Variants in RAB6D observed in about 807,000 individuals in gnomAD.
RAB6D encodes the protein RAB6D, member RAS oncogene family.
In RAB6D, 11 loss-of-function variants were observed where a neutral mutation model predicts 17.5. That is an observed-to-expected ratio of 0.63 (90% CI 0.39 to 1.04). The LOEUF is 1.04. Among genes scored for constraint, RAB6D ranks in the 50% least tolerant of loss-of-function variants. RAB6D has a pLI of 0.00. For missense variants in RAB6D, 163 were observed against 315.1 expected (o/e 0.52, Z 3.65); for synonymous variants, 68 against 122.6 (o/e 0.55, Z 2.94).
chr2:131,364,015 T>G lies in RAB6D; in HGVS notation c.-295A>C, dbSNP rs1703468145. 6 of 478,052 alleles carry G rather than the reference T, an allele frequency of 1.3e-5. No individual in the cohort carries two copies. The highest frequency in any genetic ancestry group is 3.8e-6 in the Non-Finnish European group (1 of 260,932). The allele number at this position is 478,052 out of a possible 1,614,324, so 29.6% of individuals were successfully genotyped here. A position where few individuals can be genotyped will look rare whatever the true frequency, so the allele number is the denominator to read the frequency against. ...TTTGGCTTCCCAAGGCTAGGGCCGT[T>G]CCCTTCTTCCTCACCCGGCTCCAAG... On this transcript the variant is annotated 5_prime_UTR_variant, in exon 1 of 1. Coordinates refer to ENST00000623617, the MANE Select transcript of RAB6D (RefSeq NM_001077637.3).
At position 131,363,449 on chromosome 2, in the gene RAB6D, A is replaced by G. The variant is rs1281577538; in HGVS notation, c.272T>C (p.Val91Ala). ...RYIRDSAAAV[V>A]VYDITNVNSF... ...GTTAACATTTGTGATATCGTAAACT[A>G]CTACAGCTGCAGCAGAATCACGGAT... The change falls in exon 1 of 1, where the codon GTA becomes GCA. Residue 91 changes from valine to alanine, a missense_variant. Val to Ala is a moderately conservative substitution (Grantham distance 64). Coordinates refer to ENST00000623617, the MANE Select transcript of RAB6D (RefSeq NM_001077637.3). 1.2e-6 allele frequency: 2 copies of G among 1,610,696 alleles called. No homozygotes were observed. Among genetic ancestry groups the G allele is most frequent in the Admixed American group, 1.7e-5 (1 of 59,712 alleles).
rs189556795 is a variant in RAB6D at position 131,361,146 on chromosome 2, T to C, written c.*1810A>G. The stretch of plus-strand genomic sequence containing the variant: ...TCAATATTTATTTCAGGACATGCCA[T>C]GTCAAAATAAAACAGAGTCAACCCT... On this transcript the variant is annotated 3_prime_UTR_variant, in exon 1 of 1. Transcript: ENST00000623617. The C allele has an allele frequency of 5.1e-3, 850 of 167,236 alleles. 6 individuals carry two copies. Among genetic ancestry groups the C allele is most frequent in the Non-Finnish European group, 7.4e-3 (507 of 68,104 alleles). The allele number at this position is 167,236 out of a possible 1,614,324, so 10.4% of individuals were successfully genotyped here.
In RAB6D at chr2:131,364,156, T is replaced by A. The variant is rs1436077295; in HGVS notation, c.-436A>T. 2.5e-5 allele frequency: 2 copies of A among 79,302 alleles called. No homozygotes were observed. Among genetic ancestry groups the A allele is most frequent in the Admixed American group, 3.5e-4 (2 of 5,666 alleles). 4.9% of individuals were successfully genotyped at this position (79,302 alleles called of 1,614,324 possible). A position where few individuals can be genotyped will look rare whatever the true frequency, so the allele number is the denominator to read the frequency against. On this transcript the variant is annotated 5_prime_UTR_variant, in exon 1 of 1. Transcript: ENST00000623617. Reference sequence around the variant, plus strand: ...CGCCGCCGCAGCCCAACCTGCTGAGTGCGCGAGCCTCTGGCGCGGGGCGAG... The same window carrying A: ...CGCCGCCGCAGCCCAACCTGCTGAGAGCGCGAGCCTCTGGCGCGGGGCGAG...
rs747881840 is a variant in RAB6D at position 131,362,936 on chromosome 2, G to A, written c.*20C>T. 21 of 1,563,582 alleles carry A rather than the reference G, an allele frequency of 1.3e-5. 1 individual carries two copies. In the Admixed American group the frequency reaches 1.8e-4, roughly 13 times the overall value. The stretch of plus-strand genomic sequence containing the variant: ...AATAATGAAGACGCTGACTTTTTTT[G>A]TGCTTGTCAAGCTAATAGATCATCT... On this transcript the variant is annotated 3_prime_UTR_variant, in exon 1 of 1. Transcript: ENST00000623617.
Position 131,363,793 on chromosome 2 carries a change from G to A in RAB6D, c.-73C>T. ...ACCGATGCTGCTCCAGCCGGCTGAC[G>A]AAAAAGGCGAGCGGAAGGGCGGGCG... On this transcript the variant is annotated 5_prime_UTR_variant, in exon 1 of 1. Coordinates refer to ENST00000623617, the MANE Select transcript of RAB6D (RefSeq NM_001077637.3). 1.0e-6 allele frequency: 1 copy of A among 977,664 alleles called. No homozygotes were observed. The highest frequency in any genetic ancestry group is 1.6e-6 in the Non-Finnish European group (1 of 639,606). 60.6% of individuals were successfully genotyped at this position (977,664 alleles called of 1,614,324 possible).
rs1258839404 is a variant in RAB6D, at chr2:131,360,664, A to G, written c.*2292T>C. On this transcript the variant is annotated 3_prime_UTR_variant, in exon 1 of 1. Transcript: ENST00000623617. ...TACAAATAACACAATTTAATGAACA[A>G]AGGATATAGACATTATACAAAATAT... 1.3e-5 allele frequency among the ~76,000 whole-genome samples: 2 copies of G among 152,192 alleles called. No homozygotes were observed. The highest frequency in any genetic ancestry group is 2.9e-5 in the Non-Finnish European group (2 of 68,030).
Position 131,361,018 on chromosome 2 carries a change from A to C in RAB6D, c.*1938T>G, listed in dbSNP as rs1017113597. On this transcript the variant is annotated 3_prime_UTR_variant, in exon 1 of 1. Transcript: ENST00000623617. ...TATAACTGCTTACTTTTTAAAAAAT[A>C]CATAAAAAGAATCAAATGCAACAGT... The C allele has an allele frequency of 2.4e-5, 4 of 166,828 alleles. No individual in the cohort carries two copies. The highest frequency in any genetic ancestry group is 4.4e-5 in the Non-Finnish European group (3 of 68,096). The allele number at this position is 166,828 out of a possible 1,614,324, so 10.3% of individuals were successfully genotyped here.
rs758072567 is a variant in RAB6D, at chr2:131,363,401, C to T, written c.320G>A (p.Trp107Ter). 6.2e-7 allele frequency: 1 copy of T among 1,613,558 alleles called. No homozygotes were observed. The highest frequency in any genetic ancestry group is 1.3e-5 in the African/African-American group (1 of 74,656). ...TCCTTCTGTTCTGACATCATCAATC[C>T]ACTTTGTAGTTTGCTGGAATGAGTT... is the stretch of plus-strand genomic sequence containing the variant. ...NVNSFQQTTK[W>*]IDDVRTEGGS... Residue 107 changes from tryptophan to a stop codon, truncating the protein, a stop_gained, in exon 1 of 1, where the codon TGG (tryptophan) becomes TAG (stop). Coordinates refer to ENST00000623617, the MANE Select transcript of RAB6D (RefSeq NM_001077637.3). LOFTEE classifies it high-confidence loss of function.
chr2:131,363,441 C>T lies in RAB6D; in HGVS notation c.280G>A (p.Asp94Asn). Residue 94 changes from aspartate to asparagine, a missense_variant, in exon 1 of 1, where the codon GAT becomes AAT. This residue lies in a region of RAB6D where 144 missense variants were observed against 244.4 expected (regional missense o/e 0.59). Transcript: ENST00000623617. ...TGGAATGAGTTAACATTTGTGATAT[C>T]GTAAACTACTACAGCTGCAGCAGAA... Reference protein sequence around the residue: ...RDSAAAVVVYDITNVNSFQQT... With the variant: ...RDSAAAVVVYNITNVNSFQQT... 1 of 1,611,734 alleles carries T rather than the reference C, an allele frequency of 6.2e-7. No individual in the cohort carries two copies. The highest frequency in any genetic ancestry group is 8.5e-7 in the Non-Finnish European group (1 of 1,179,404).
Position 131,360,650 on chromosome 2 carries a change from C to G in RAB6D, c.*2306G>C, listed in dbSNP as rs1703413101. On this transcript the variant is annotated 3_prime_UTR_variant, in exon 1 of 1. Transcript: ENST00000623617. ...ATTATAAAGAATAATACAAATAACACAATTTAATGAACAAAGGATATAGAC... is the reference window on the plus strand; with the variant it reads ...ATTATAAAGAATAATACAAATAACAGAATTTAATGAACAAAGGATATAGAC... 6.6e-6 allele frequency among the ~76,000 whole-genome samples: 1 copy of G among 151,866 alleles called. No homozygotes were observed. The highest frequency in any genetic ancestry group is 1.5e-5 in the Non-Finnish European group (1 of 67,962).
Position 131,363,915 on chromosome 2 carries a change from G to A in RAB6D, c.-195C>T. On this transcript the variant is annotated 5_prime_UTR_variant, in exon 1 of 1. Transcript: ENST00000623617. ...TGGCAGCCGCCGCCGCCTCCCGGCA[G>A]AGTAGCCGAGCACCGAGCGAGGCCC... 5.0e-6 allele frequency: 5 copies of A among 997,930 alleles called. No homozygotes were observed. The South Asian group carries it at 8.7e-5, about 17-fold the overall frequency. The allele number at this position is 997,930 out of a possible 1,614,324, so 61.8% of individuals were successfully genotyped here. A position where few individuals can be genotyped will look rare whatever the true frequency, so the allele number is the denominator to read the frequency against.
rs1703437812 is a variant in RAB6D, at chr2:131,362,653, G to C, written c.*303C>G. On this transcript the variant is annotated 3_prime_UTR_variant, in exon 1 of 1. Transcript: ENST00000623617. The stretch of plus-strand genomic sequence containing the variant: ...TGCTTTGCCATCTCTTGTTTGTTTT[G>C]AGGAAGTGGGGGGAGGCTAGGTAAG... The C allele has an allele frequency of 4.9e-6, 1 of 205,946 alleles. No individual in the cohort carries two copies. Among genetic ancestry groups the C allele is most frequent in the South Asian group, 1.2e-4 (1 of 8,328 alleles). 12.8% of individuals were successfully genotyped at this position (205,946 alleles called of 1,614,324 possible).
At position 131,363,889 on chromosome 2, in the gene RAB6D, C is replaced by T; in HGVS notation, c.-169G>A. 10 of 1,221,988 alleles carry T rather than the reference C, an allele frequency of 8.2e-6. No individual in the cohort carries two copies. In the South Asian group the frequency reaches 1.3e-4, roughly 16 times the overall value. The allele number at this position is 1,221,988 out of a possible 1,614,324, so 75.7% of individuals were successfully genotyped here. A position where few individuals can be genotyped will look rare whatever the true frequency, so the allele number is the denominator to read the frequency against. ...GGAGGGCAGCAGGACTCTCCACAGA[C>T]TGGCAGCCGCCGCCGCCTCCCGGCA... On this transcript the variant is annotated 5_prime_UTR_variant, in exon 1 of 1. Transcript: ENST00000623617.
rs1333427596 is a variant in RAB6D at position 131,363,344 on chromosome 2, T to C, written c.377A>G (p.Asn126Ser). 2.5e-6 allele frequency: 4 copies of C among 1,614,002 alleles called. No homozygotes were observed. The African/African-American group carries it at 5.3e-5, about 22-fold the overall frequency. ...CCTCTTGTCAGCAAGATCTGTTTTA[T>C]TTCCTACTAGCGTGATGATAACATC... ...GSDVIITLVG[N>S]KTDLADKRQV... Residue 126 changes from asparagine to serine, a missense_variant, in exon 1 of 1, where the codon AAT becomes AGT. By Grantham distance (46) the Asn-to-Ser change is conservative. Coordinates refer to ENST00000623617, the MANE Select transcript of RAB6D (RefSeq NM_001077637.3).
chr2:131,361,408 G>A lies in RAB6D; in HGVS notation c.*1548C>T, dbSNP rs1429919532. 4 of 167,008 alleles carry A rather than the reference G, an allele frequency of 2.4e-5. No individual in the cohort carries two copies. The highest frequency in any genetic ancestry group is 4.4e-5 in the Non-Finnish European group (3 of 68,098). The allele number at this position is 167,008 out of a possible 1,614,324, so 10.3% of individuals were successfully genotyped here. ...AGGTTTTGTTGCAATGAGGGGATGAGGAAGTATGAAGATATTTTTGTTGTC... is the reference window on the plus strand; with the variant it reads ...AGGTTTTGTTGCAATGAGGGGATGAAGAAGTATGAAGATATTTTTGTTGTC... On this transcript the variant is annotated 3_prime_UTR_variant, in exon 1 of 1. Coordinates refer to ENST00000623617, the MANE Select transcript of RAB6D (RefSeq NM_001077637.3).
chr2:131,361,693 G>GT lies in RAB6D; in HGVS notation c.*1262dup, dbSNP rs777728822. The GT allele has an allele frequency of 8.1e-5, 6 of 74,378 alleles. No individual in the cohort carries two copies. The highest frequency in any genetic ancestry group is 5.5e-4 in the East Asian group (1 of 1,804). The allele number at this position is 74,378 out of a possible 1,614,324, so 4.6% of individuals were successfully genotyped here. ...ACGAAACATCTAAAAATTGAAAGTT[G>GT]TTAAAAAAAAAGCAAAGAAATATCA... On this transcript the variant is annotated 3_prime_UTR_variant, in exon 1 of 1. Transcript: ENST00000623617.
In RAB6D at chr2:131,363,227, T is replaced by C; in HGVS notation, c.494A>G (p.Gln165Arg). 1.2e-6 allele frequency: 2 copies of C among 1,613,522 alleles called. No homozygotes were observed. Among genetic ancestry groups the C allele is most frequent in the Non-Finnish European group, 1.7e-6 (2 of 1,179,930 alleles). Residue 165 changes from glutamine to arginine, a missense_variant, in exon 1 of 1, where the codon CAG (glutamine) becomes CGG (arginine). Physicochemically the swap from Gln to Arg is conservative, Grantham distance 43. Coordinates refer to ENST00000623617, the MANE Select transcript of RAB6D (RefSeq NM_001077637.3). ...TRAKAGYNVK[Q>R]LFRRVAAALP... ...AGCTGCTGCTACACGTCGAAAGAGC[T>C]GCTTTACATTGTATCCAGCTTTTGC...
Position 131,362,446 on chromosome 2 carries a change from T to G in RAB6D, c.*510A>C, listed in dbSNP as rs1245100506. On this transcript the variant is annotated 3_prime_UTR_variant, in exon 1 of 1. Coordinates refer to ENST00000623617, the MANE Select transcript of RAB6D (RefSeq NM_001077637.3). ...TGTTCTTTAGGACTCATTTTGAAGATGCACCAGGAGGCTTTTCTCATTCAA... is the reference window on the plus strand; with the variant it reads ...TGTTCTTTAGGACTCATTTTGAAGAGGCACCAGGAGGCTTTTCTCATTCAA... 5.7e-6 allele frequency: 1 copy of G among 176,428 alleles called. No individual in the cohort carries two copies. The highest frequency in any genetic ancestry group is 2.4e-5 in the African/African-American group (1 of 41,510). The allele number at this position is 176,428 out of a possible 1,614,324, so 10.9% of individuals were successfully genotyped here.
chr2:131,364,112 C>CG lies in RAB6D; in HGVS notation c.-393_-392insC. ...TATCTGGGATCTCTCACGCGCGGCGCTTCGGCTTCCCCAGCCGCCGCCGCC... is the reference window on the plus strand; with the variant it reads ...TATCTGGGATCTCTCACGCGCGGCGCGTTCGGCTTCCCCAGCCGCCGCCGCC... On this transcript the variant is annotated 5_prime_UTR_variant, in exon 1 of 1. Coordinates refer to ENST00000623617, the MANE Select transcript of RAB6D (RefSeq NM_001077637.3). 7.8e-6 allele frequency: 2 copies of CG among 257,616 alleles called. No homozygotes were observed. The highest frequency in any genetic ancestry group is 7.9e-6 in the Non-Finnish European group (1 of 125,996). 16.0% of individuals were successfully genotyped at this position (257,616 alleles called of 1,614,324 possible).
Sources: gnomAD v4.1 joint callset for allele counts (sites outside exome capture counted in the v4.1 genomes callset) on GRCh38, gnomAD v4.1.1 for gene constraint, gnomAD v4.1.1 regional missense constraint, MANE v1.5 for transcripts, NCBI Gene and HGNC (gene_info 2026-07-23, HGNC 2026-07-21) for gene names.